The following AGBL2 variants were observed in gnomAD, a reference collection of about 807,000 sequenced individuals.
AGBL2 encodes the protein cytosolic carboxypeptidase 2.
AGBL2 carries 87 observed loss-of-function variants against 103.0 expected under a neutral mutation model. The ratio of observed to expected loss-of-function variants is 0.84; its 90% confidence interval spans 0.71 to 1.01. The LOEUF is 1.01. AGBL2 is among the 50% of genes least tolerant of loss of function. The pLI, the probability that AGBL2 is intolerant of heterozygous loss-of-function variation, is 0.00. For missense variants in AGBL2, 904 were observed against 1,023.5 expected (o/e 0.88, Z 1.59); for synonymous variants, 335 against 356.7 (o/e 0.94, Z 0.69).
At chr11:47,710,944 C>G (rs2097535056) in intron 3 of AGBL2, 1 of 414,598 alleles carries the variant, frequency 2.4e-6, no homozygotes, top group Non-Finnish European at 4.6e-6. Context: ...AATTATGGCC[C>G]AAAGGTTTGG....
intron 14 of AGBL2, among the ~76,000 whole-genome samples, chr11:47,674,621 T>A (rs1371516967): frequency 6.6e-6 from 1 of 151,928 alleles, no homozygotes; most frequent in African/African-American, 2.4e-5. Flanking sequence ...ATCAGGAGGC[T>A]TATAGCCTTA....
At chr11:47,697,199 G>A (rs1040798604) in intron 8 of AGBL2, among the ~76,000 whole-genome samples, 1 of 151,332 alleles carries the variant, frequency 6.6e-6, no homozygotes, top group African/African-American at 2.4e-5. Flanking sequence ...AAAGTGCTAG[G>A]ATTACAGGTA....
intron 13 of AGBL2, among the ~76,000 whole-genome samples, chr11:47,679,058 CAAAAAAAAAAAAAAAAAAAAA>C (rs56307962): frequency 1.4e-4 from 4 of 28,190 alleles, no homozygotes; most frequent in African/African-American, 4.5e-4. Context: ...GACCCTGTCT[CAAAAAAAAAAAAAAAAAAAAA>C]AAAAAAAAAA....
At chr11:47,688,531 T>C (rs2097432982) in intron 10 of AGBL2, among the ~76,000 whole-genome samples, 1 of 152,182 alleles carries the variant, frequency 6.6e-6, no homozygotes, top group Non-Finnish European at 1.5e-5. Flanking sequence ...TATGTTCACT[T>C]TCCCCATGAT....
At chr11:47,699,383 G>A (rs2097489251) in intron 8 of AGBL2, 63 bp downstream of exon 8, 7 of 936,896 alleles carry the variant, frequency 7.5e-6, no homozygotes, top group African/African-American at 3.4e-5. Flanking sequence ...TTTTATTATG[G>A]AACATATGTT....
chr11:47,678,288 CTATT>C (rs1442380309), intron 13 of AGBL2, among the ~76,000 whole-genome samples: 2 of 123,926 alleles, frequency 1.6e-5, no homozygotes, highest in African/African-American at 5.6e-5. Context: ...ATGCAATACT[CTATT>C]TTATTTTATT....
chr11:47,690,241 A>G lies in AGBL2; in HGVS notation c.1466T>C (p.Leu489Pro). The G allele has an allele frequency of 6.2e-7, 1 of 1,614,148 alleles. No homozygotes were observed. The highest frequency in any genetic ancestry group is 1.1e-5 in the South Asian group (1 of 91,076). The change falls in exon 10 of 19, where the codon CTC becomes CCC. Residue 489 changes from leucine to proline, a missense_variant. Transcript: ENST00000525123. ...ILSNSPDAQL[L>P]RDIFVFKVLP... ...CACCTTGAAGACAAAAATATCTCTG[A>G]GGAGCTGGGCATCTGGGGAGTTGCT...
chr11:47,690,915 A>G (rs1386894505), intron 9 of AGBL2, 57 bp from the exon 10 acceptor site: 1 of 1,398,000 alleles, frequency 7.2e-7, no homozygotes, highest in Admixed American at 2.2e-5. Context: ...TAAAAAACAA[A>G]TTGGGAAAAT....
chr11:47,685,910 T>G lies in AGBL2; in HGVS notation c.1771A>C (p.Lys591Gln). The G allele has an allele frequency of 6.2e-7, 1 of 1,614,020 alleles. No homozygotes were observed. Among genetic ancestry groups the G allele is most frequent in the Non-Finnish European group, 8.5e-7 (1 of 1,179,978 alleles). The change falls in exon 11 of 19, where the codon AAA becomes CAA. Residue 591 changes from lysine to glutamine, a missense_variant. Coordinates refer to ENST00000525123, the MANE Select transcript of AGBL2 (RefSeq NM_024783.4). ...GTGCTTACCTTATCTGGTGCATTTT[T>G]GCATAACATTAAAGGAAAGACTCGT... ...HERVFPLMLC[K>Q]NAPDKFSFHS...
chr11:47,684,065 A>ACATCTCTACTAAAAATACCC (rs1285462278), intron 11 of AGBL2, among the ~76,000 whole-genome samples: 8 of 152,038 alleles, frequency 5.3e-5, no homozygotes, highest in African/African-American at 1.9e-4. Flanking sequence ...AGCCTGGCCT[A>ACATCTCTACTAAAAATACCC]CATCTCTACT....
At chr11:47,699,331 T>C (rs1205802000) in intron 8 of AGBL2, 115 bp downstream of exon 8, 5 of 557,864 alleles carry the variant, frequency 9.0e-6, no homozygotes, top group Admixed American at 3.9e-5. Flanking sequence ...CATGTTGGCC[T>C]GGAAAAGAGT....
At chr11:47,700,642 G>C (rs2097494928) in intron 7 of AGBL2, among the ~76,000 whole-genome samples, 1 of 152,044 alleles carries the variant, frequency 6.6e-6, no homozygotes, top group Admixed American at 6.6e-5. Flanking sequence ...TACGGAACTT[G>C]AACTTTTCAA....
intron 10 of AGBL2, among the ~76,000 whole-genome samples, chr11:47,687,807 C>CTTTTTTTTTTTTTTTTT: frequency 7.2e-6 from 1 of 138,530 alleles, no homozygotes; most frequent in Non-Finnish European, 1.6e-5. Context: ...TTCTTTCTTT[C>CTTTTTTTTTTTTTTTTT]TTTTTTTTTT....
chr11:47,689,930 C>T, intron 10 of AGBL2, 146 bp downstream of exon 10: 1 of 645,640 alleles, frequency 1.5e-6, no homozygotes, highest in South Asian at 2.9e-5. Flanking sequence ...AGTCACTTGA[C>T]TACAAAGAGA....
At chr11:47,670,324 G>GT (rs555124179) in intron 14 of AGBL2, among the ~76,000 whole-genome samples, 26 of 151,794 alleles carry the variant, frequency 1.7e-4, no homozygotes, top group African/African-American at 1.5e-4. Flanking sequence ...TACAAAAAAT[G>GT]TTTTTTTTAA....
At chr11:47,686,786 C>G (rs2097425464) in intron 10 of AGBL2, among the ~76,000 whole-genome samples, 1 of 151,410 alleles carries the variant, frequency 6.6e-6, no homozygotes, top group South Asian at 2.1e-4. Context: ...CCTGGTGAAC[C>G]CCATCTCTAC....
chr11:47,713,893 A>G (rs1425220191), intron 3 of AGBL2, among the ~76,000 whole-genome samples: 1 of 151,904 alleles, frequency 6.6e-6, no homozygotes, highest in African/African-American at 2.4e-5. Flanking sequence ...CCGGCCGCCA[A>G]TTGTAAAATT....
chr11:47,678,395 A>C (rs1598946922), intron 13 of AGBL2, among the ~76,000 whole-genome samples: 1 of 139,100 alleles, frequency 7.2e-6, no homozygotes, highest in Non-Finnish European at 1.6e-5. Context: ...GTGTAGTGGC[A>C]TGATCTCTGC....
intron 2 of AGBL2, 62 bp downstream of exon 2, chr11:47,714,556 A>C: frequency 6.4e-7 from 1 of 1,553,208 alleles, no homozygotes; most frequent in Non-Finnish European, 8.9e-7. Flanking sequence ...ATTTCTGTGG[A>C]GTTCCCGAAG....
Sources: gnomAD v4.1 joint callset for allele counts (sites outside exome capture counted in the v4.1 genomes callset) on GRCh38, gnomAD v4.1.1 for gene constraint, MANE v1.5 for transcripts, NCBI Gene and HGNC (gene_info 2026-07-23, HGNC 2026-07-21) for gene names.